WDHD1: variants seen among roughly 807,000 people sequenced by gnomAD.
WDHD1 encodes the protein WD repeat and HMG-box DNA-binding protein 1.
WDHD1 carries 111 observed loss-of-function variants against 135.4 expected under a neutral mutation model. The observed-to-expected ratio is 0.82, with a 90% confidence interval of 0.70 to 0.96. The LOEUF (loss-of-function observed/expected upper bound fraction) is 0.96. Ranked by LOEUF, WDHD1 falls within the 40% of genes least tolerant of loss-of-function variation. The pLI is 0.00. For synonymous variants in WDHD1, 434 were observed against 439.0 expected (o/e 0.99, Z 0.14); for missense variants, 1,351 against 1,336.3 (o/e 1.01, Z -0.17).
chr14:54,962,978 T>A lies in WDHD1; in HGVS notation c.2505A>T (p.Glu835Asp). 1 of 1,608,326 alleles carries A rather than the reference T, an allele frequency of 6.2e-7. No individual in the cohort carries two copies. The highest frequency in any genetic ancestry group is 8.5e-7 in the Non-Finnish European group (1 of 1,177,004). ...CAGCATTCAGCTTTTTTCTGAAATC[T>A]TCTTCTTCTTCTTCCTCTTCCACCT... ...ATQVEEEEEE[E>D]DFRKKLNAGY... Residue 835 changes from glutamate to aspartate, a missense_variant, in exon 19 of 26, where the codon GAA becomes GAT. Around this residue, in one of 2 missense-constraint regions of WDHD1, gnomAD observed 1,330 missense variants for 1,296.1 expected, o/e 1.03. Transcript: ENST00000360586.
chr14:54,992,126 C>A (rs1245311813), intron 11 of WDHD1, among the ~76,000 whole-genome samples: 2 of 151,882 alleles, frequency 1.3e-5, no homozygotes, highest in African/African-American at 2.4e-5. Context: ...GGCATGGTGG[C>A]ACATGCCTGT....
chr14:54,995,646 A>G lies in WDHD1; in HGVS notation c.1110T>C (p.Pro370=). Reference sequence around the variant, plus strand: ...CTTCTAGGATGTGACTTCGCTGTCTAGGACGACCTGAAGCCATCATGAGGT... The same window carrying G: ...CTTCTAGGATGTGACTTCGCTGTCTGGGACGACCTGAAGCCATCATGAGGT... The part of the protein sequence containing the change: ...DEDLMMASGR[P]RQRSHILEDD... Residue 370 remains proline, a synonymous_variant, in exon 11 of 26, where the codon CCT becomes CCC. Transcript: ENST00000360586. 6.2e-7 allele frequency: 1 copy of G among 1,612,750 alleles called. No individual in the cohort carries two copies. Among genetic ancestry groups the G allele is most frequent in the Non-Finnish European group, 8.5e-7 (1 of 1,179,458 alleles).
intron 5 of WDHD1, 118 bp downstream of exon 5, chr14:55,008,490 C>A: frequency 7.0e-7 from 1 of 1,432,326 alleles, no homozygotes; most frequent in Non-Finnish European, 9.5e-7. Flanking sequence ...AACTCTCTTA[C>A]TGAATAAAAC....
At chr14:54,956,946 T>G in intron 23 of WDHD1, 88 bp downstream of exon 23, 1 of 1,480,816 alleles carries the variant, frequency 6.8e-7, no homozygotes, top group Non-Finnish European at 9.1e-7. Context: ...AATCAGAACC[T>G]CCTATCCTAT....
intron 7 of WDHD1, chr14:55,005,172 A>G (rs2042044218): frequency 1.9e-6 from 1 of 539,392 alleles, no homozygotes; most frequent in South Asian, 1.4e-5. Context: ...CACCACATCA[A>G]TCCCACTGAG....
intron 21 of WDHD1, among the ~76,000 whole-genome samples, chr14:54,958,767 G>C (rs2041201999): frequency 1.3e-5 from 2 of 152,084 alleles, no homozygotes; most frequent in African/African-American, 4.8e-5. Flanking sequence ...TCTACCTGAT[G>C]CTCAAATGTT....
intron 7 of WDHD1, chr14:55,005,467 G>T: frequency 1.8e-6 from 1 of 564,782 alleles, no homozygotes; most frequent in South Asian, 1.4e-5. Context: ...ATATGACACT[G>T]ACATTGAAAG....
At chr14:55,025,135 T>A (rs2042413123) in intron 2 of WDHD1, among the ~76,000 whole-genome samples, 1 of 126,336 alleles carries the variant, frequency 7.9e-6, no homozygotes, top group African/African-American at 2.8e-5. Flanking sequence ...AGGTGGGACC[T>A]GCGGGCAGCA....
chr14:54,953,958 A>G (rs1474149839), intron 24 of WDHD1, among the ~76,000 whole-genome samples: 1 of 151,984 alleles, frequency 6.6e-6, no homozygotes, highest in Non-Finnish European at 1.5e-5. Context: ...AACATCACAC[A>G]CTTGGGCCTG....
chr14:55,008,350 T>G lies in WDHD1; in HGVS notation c.470A>C (p.Asp157Ala). 1.9e-6 allele frequency: 3 copies of G among 1,613,724 alleles called. No homozygotes were observed. The highest frequency in any genetic ancestry group is 2.5e-6 in the Non-Finnish European group (3 of 1,179,816). Residue 157 changes from aspartate (D) to alanine (A), a missense_variant, in exon 6 of 26, where the codon GAT becomes GCT. Asp to Ala is a moderately radical substitution (Grantham distance 126). Around this residue, in one of 2 missense-constraint regions of WDHD1, gnomAD observed 1,330 missense variants for 1,296.1 expected, o/e 1.03. Transcript: ENST00000360586. ...AATTTGCCACACTCTGACAGATCCA[T>G]CACAACTAGCTGATGCCTGCAGGAA... ...KDIFLASASC[D>A]GSVRVWQISD...
intron 21 of WDHD1, among the ~76,000 whole-genome samples, chr14:54,962,087 G>A (rs138574897): frequency 0.025 from 3,871 of 152,154 alleles, 69 homozygotes; most frequent in South Asian, 0.049. Flanking sequence ...CGCCCACTCC[G>A]GCCTCCCAAA....
chr14:54,960,811 A>AT, intron 21 of WDHD1, among the ~76,000 whole-genome samples: 1 of 150,838 alleles, frequency 6.6e-6, no homozygotes, highest in South Asian at 2.1e-4. Flanking sequence ...TGGCCTATTT[A>AT]TTTTTTGATA....
At chr14:54,952,062 T>C (rs984060714) in intron 24 of WDHD1, among the ~76,000 whole-genome samples, 1 of 152,178 alleles carries the variant, frequency 6.6e-6, no homozygotes, top group African/African-American at 2.4e-5. Flanking sequence ...ACTGGAAGCA[T>C]TCCCTTTGAA....
chr14:55,010,477 G>T lies in WDHD1; in HGVS notation c.190-17C>A. 1 of 1,537,334 alleles carries T rather than the reference G, an allele frequency of 6.5e-7. No individual in the cohort carries two copies. The highest frequency in any genetic ancestry group is 8.7e-7 in the Non-Finnish European group (1 of 1,143,090). ...TTTTCCACTCTAAAAGAAAAATTAA[G>T]GTAAGAAACATTAGCAAAACAAATC... On this transcript the variant is annotated splice_polypyrimidine_tract_variant and intron_variant, in intron 3 of 25. Transcript: ENST00000360586.
At chr14:54,977,421 A>T (rs1396130682) in intron 16 of WDHD1, among the ~76,000 whole-genome samples, 4 of 152,214 alleles carry the variant, frequency 2.6e-5, no homozygotes, top group African/African-American at 9.6e-5. Context: ...TCAGGTCTAC[A>T]GAAGCTTATG....
At chr14:54,964,989 C>A (rs1281928252) in intron 18 of WDHD1, among the ~76,000 whole-genome samples, 2 of 152,286 alleles carry the variant, frequency 1.3e-5, no homozygotes, top group Non-Finnish European at 2.9e-5. Flanking sequence ...TTTCTTAATA[C>A]CAAACTTAAG....
At chr14:54,959,262 G>A (rs568130721) in intron 21 of WDHD1, among the ~76,000 whole-genome samples, 172 of 152,010 alleles carry the variant, frequency 1.1e-3, no homozygotes, top group Non-Finnish European at 2.0e-3. Context: ...GCCAGACATG[G>A]TGACACATGC....
chr14:55,007,903 C>T (rs1005555504), intron 6 of WDHD1, among the ~76,000 whole-genome samples: 8 of 152,154 alleles, frequency 5.3e-5, no homozygotes, highest in African/African-American at 1.2e-4. Flanking sequence ...CACCTTATTT[C>T]GTACCTCCTT....
chr14:54,951,992 CA>C (rs2041064742), intron 24 of WDHD1, among the ~76,000 whole-genome samples: 1 of 152,236 alleles, frequency 6.6e-6, no homozygotes, highest in East Asian at 1.9e-4. Context: ...GGATGTATCT[CA>C]AAATAATAAG....
Sources: gnomAD v4.1 joint callset for allele counts (sites outside exome capture counted in the v4.1 genomes callset) on GRCh38, gnomAD v4.1.1 for gene constraint, gnomAD v4.1.1 regional missense constraint, MANE v1.5 for transcripts, NCBI Gene and HGNC (gene_info 2026-07-23, HGNC 2026-07-21) for gene names.